NLRP11: variants seen among roughly 807,000 people sequenced by gnomAD.
NLRP11 encodes the protein NLR family pyrin domain containing 11, also known as NACHT, LRR and PYD domains-containing protein 11.
Under a neutral mutation model 79.3 loss-of-function variants are expected in NLRP11, and 53 were observed. The ratio of observed to expected loss-of-function variants is 0.67; its 90% CI spans 0.54 to 0.84. The LOEUF is 0.84. Ranked by LOEUF, NLRP11 falls within the 40% of genes least tolerant of loss-of-function variation. NLRP11 has a pLI of 0.00. For missense variants in NLRP11, 1,264 were observed against 1,255.0 expected (o/e 1.01, Z -0.11); for synonymous variants, 518 against 462.6 (o/e 1.12, Z -1.54).
chr19:55,809,568 C>T lies in NLRP11; in HGVS notation c.1042G>A (p.Val348Ile). 7 of 1,614,188 alleles carry T rather than the reference C, an allele frequency of 4.3e-6. No individual in the cohort carries two copies. The highest frequency in any genetic ancestry group is 5.9e-6 in the Non-Finnish European group (7 of 1,180,038). ...CCCTTGTCCATCTGCCGCTTCAGGA[C>T]AGTACACGTGATCCAGCATAAGATG... The change falls in exon 3 of 10, where the codon GTC becomes ATC. Residue 348 changes from valine to isoleucine, a missense_variant. Physicochemically the swap from Val to Ile is conservative, Grantham distance 29. Coordinates refer to ENST00000589093, the Ensembl canonical transcript of NLRP11. The surrounding 1 kb of genome is among the most constrained non-coding windows in gnomAD (Gnocchi z 4.5).
chr19:55,832,787 A>G (rs1040227730), upstream of NLRP11: 1 of 152,222 alleles, frequency 6.6e-6, no homozygotes, highest in Non-Finnish European at 1.5e-5. Flanking sequence ...AAGAGCAAAC[A>G]AAAATCTCAT....
At chr19:55,786,377 T>C (rs1989879766) in intron 9 of NLRP11, among the ~76,000 whole-genome samples, 1 of 152,006 alleles carries the variant, frequency 6.6e-6, no homozygotes, top group African/African-American at 2.4e-5. Context: ...TACAAAAACT[T>C]AGCCGGGTGT....
chr19:55,820,830 GACA>G (rs1981623707), intron 1 of NLRP11, among the ~76,000 whole-genome samples: 1 of 152,152 alleles, frequency 6.6e-6, no homozygotes, highest in African/African-American at 2.4e-5. Flanking sequence ...CTGGTACCCT[GACA>G]TATGTACATA....
At chr19:55,794,210 G>A (rs1978575209) in intron 6 of NLRP11, among the ~76,000 whole-genome samples, 1 of 152,024 alleles carries the variant, frequency 6.6e-6, no homozygotes, top group South Asian at 2.1e-4. Flanking sequence ...AACATCGAAT[G>A]TGTACCTTAA....
intron 2 of NLRP11, among the ~76,000 whole-genome samples, chr19:55,816,115 T>A (rs1018796766): frequency 6.6e-5 from 10 of 152,214 alleles, no homozygotes; most frequent in Admixed American, 1.3e-4. Context: ...TAGAGGAATT[T>A]GAGGACCAAA....
At position 55,809,157 on chromosome 19, in the gene NLRP11, A is replaced by G; in HGVS notation, c.1453T>C (p.Tyr485His). Reference sequence around the variant, plus strand: ...GTAAACACTTGATTAAAGTCAGAGTATTGTTCTCTCTTCTCTTTATACTCT... The same window carrying G: ...GTAAACACTTGATTAAAGTCAGAGTGTTGTTCTCTCTTCTCTTTATACTCT... Residue 485 changes from tyrosine to histidine, a missense_variant, in exon 3 of 10, where the codon TAC becomes CAC. Transcript: ENST00000589093. The surrounding 1 kb of genome is among the most constrained non-coding windows in gnomAD (Gnocchi z 4.5). 8.7e-6 allele frequency: 14 copies of G among 1,613,850 alleles called. No individual in the cohort carries two copies. Among genetic ancestry groups the G allele is most frequent in the Non-Finnish European group, 1.2e-5 (14 of 1,179,856 alleles).
At chr19:55,790,211 A>C (rs1990152630) in intron 7 of NLRP11, among the ~76,000 whole-genome samples, 1 of 152,192 alleles carries the variant, frequency 6.6e-6, no homozygotes, top group African/African-American at 2.4e-5. Flanking sequence ...GATTGAATTA[A>C]AAAAGTTTCC....
At position 55,808,020 on chromosome 19, in the gene NLRP11, T is replaced by C. The variant is rs199476239; in HGVS notation, c.1842-6A>G. ...AGACAAGGCTCTTCATTTGACTACA[T>C]AGAAGAAAAATTGAGTTTTCCAATG... On this transcript the variant is annotated splice_polypyrimidine_tract_variant and splice_region_variant and intron_variant, in intron 3 of 9. Transcript: ENST00000589093. 803 of 1,569,926 alleles carry C rather than the reference T, an allele frequency of 5.1e-4. No individual in the cohort carries two copies. Among genetic ancestry groups the C allele is most frequent in the Non-Finnish European group, 6.3e-4 (725 of 1,159,864 alleles).
At chr19:55,833,537 G>A (rs574385375), upstream of NLRP11, among the ~76,000 whole-genome samples, 4 of 151,924 alleles carry the variant, frequency 2.6e-5, no homozygotes, top group East Asian at 3.9e-4. Context: ...AGGCTGAAGC[G>A]GGCAGATCAG....
intron 1 of NLRP11, among the ~76,000 whole-genome samples, chr19:55,823,159 A>T (rs1043842014): frequency 8.9e-5 from 13 of 146,120 alleles, no homozygotes; most frequent in African/African-American, 3.4e-4. Context: ...GCACACTGAC[A>T]CCTCACACGG....
At chr19:55,820,306 A>C (rs1355087700) in intron 1 of NLRP11, among the ~76,000 whole-genome samples, 1 of 152,160 alleles carries the variant, frequency 6.6e-6, no homozygotes, top group Non-Finnish European at 1.5e-5. Flanking sequence ...AAGTCGAGCA[A>C]ACTTTGGCAG....
chr19:55,788,347 C>G (rs2122702534), intron 9 of NLRP11, among the ~76,000 whole-genome samples: 1 of 151,510 alleles, frequency 6.6e-6, no homozygotes, highest in Non-Finnish European at 1.5e-5. Context: ...CATTTTCAAT[C>G]TCCCAAGAGG....
chr19:55,792,203 G>T, intron 7 of NLRP11, 98 bp downstream of exon 7: 1 of 1,028,848 alleles, frequency 9.7e-7, no homozygotes, highest in Non-Finnish European at 1.5e-6. Context: ...TATCACCCAT[G>T]ATGCCATCAC....
chr19:55,807,944 G>A, exon 4 of NLRP11: 1 of 1,609,938 alleles, frequency 6.2e-7, no homozygotes, highest in South Asian at 1.1e-5. Flanking sequence ...AAGATATGCA[G>A]CTCCCGGAGG....
At chr19:55,825,056 A>G (rs1387279527) in intron 1 of NLRP11, among the ~76,000 whole-genome samples, 1 of 25,268 alleles carries the variant, frequency 4.0e-5, no homozygotes, top group Non-Finnish European at 5.8e-5. Flanking sequence ...AATTATAACA[A>G]ACTATCTCTC....
chr19:55,785,493 T>TCACACACA (rs878891245), exon 10 of NLRP11: 394 of 424,526 alleles, frequency 9.3e-4, no homozygotes, highest in South Asian at 1.6e-3. Flanking sequence ...TGGATCAAGG[T>TCACACACA]CACACACACA....
At chr19:55,803,032 C>A (rs1301550438) in intron 4 of NLRP11, among the ~76,000 whole-genome samples, 4 of 152,106 alleles carry the variant, frequency 2.6e-5, no homozygotes, top group Non-Finnish European at 5.9e-5. Context: ...GGATTACAGA[C>A]AAAATGAAGT....
chr19:55,792,443 A>T, exon 7 of NLRP11: 1 of 1,614,164 alleles, frequency 6.2e-7, no homozygotes, highest in South Asian at 1.1e-5. Flanking sequence ...GCGCTGCAGC[A>T]ATTTTCAGTG....
At chr19:55,835,342 C>T (rs1383098185), upstream of NLRP11, among the ~76,000 whole-genome samples, 1 of 152,260 alleles carries the variant, frequency 6.6e-6, no homozygotes, top group Admixed American at 6.5e-5. Flanking sequence ...AAATCTCGAC[C>T]TTGCGTCTAA....
Sources: gnomAD v4.1 joint callset for allele counts (sites outside exome capture counted in the v4.1 genomes callset) on GRCh38, gnomAD v4.1.1 for gene constraint, Gnocchi (gnomAD v3.1) non-coding constraint, MANE v1.5 for transcripts, NCBI Gene and HGNC (gene_info 2026-07-23, HGNC 2026-07-21) for gene names.